The following STKLD1 variants were observed in gnomAD, a reference collection of about 807,000 sequenced individuals.
STKLD1 encodes serine/threonine kinase-like domain-containing protein STKLD1.
Under a neutral mutation model 80.4 loss-of-function variants are expected in STKLD1, and 79 were observed. That is an observed-to-expected ratio of 0.98 (90% CI 0.82 to 1.19). The LOEUF (loss-of-function observed/expected upper bound fraction) is 1.19. STKLD1 is among the 50% of genes most tolerant of loss of function. The pLI, the probability that STKLD1 is intolerant of heterozygous loss-of-function variation, is 0.00. For missense variants in STKLD1, 841 were observed against 856.0 expected (o/e 0.98, Z 0.22); for synonymous variants, 393 against 357.6 (o/e 1.10, Z -1.12).
chr9:133,399,917 C>T (rs2130683616), intron 11 of STKLD1, among the ~76,000 whole-genome samples: 1 of 151,794 alleles, frequency 6.6e-6, no homozygotes, highest in Non-Finnish European at 1.5e-5. Context: ...TTGCTTCGCT[C>T]CACACTCCAG....
At position 133,394,465 on chromosome 9, in the gene STKLD1, T is replaced by G; in HGVS notation, c.702+56T>G. 7.6e-7 allele frequency: 1 copy of G among 1,308,000 alleles called. No homozygotes were observed. Among genetic ancestry groups the G allele is most frequent in the South Asian group, 1.2e-5 (1 of 84,888 alleles). 81.0% of individuals were successfully genotyped at this position (1,308,000 alleles called of 1,614,324 possible). ...ATGCTGTTCCCCACGCGCCCAGGCC[T>G]GGGGAAAAGGCTTGGCCTCACCCTG... On this transcript the variant is annotated intron_variant, in intron 8 of 17. Coordinates refer to ENST00000371957, the MANE Select transcript of STKLD1 (RefSeq NM_153710.5). The surrounding 1 kb of genome is among the most constrained non-coding windows in gnomAD (Gnocchi z 4.9).
At chr9:133,378,826 C>T (rs2130258640) in intron 1 of STKLD1, among the ~76,000 whole-genome samples, 7 of 152,204 alleles carry the variant, frequency 4.6e-5, no homozygotes, top group Non-Finnish European at 1.0e-4. Flanking sequence ...GCTCCAGAAT[C>T]GGCCCCAAAT....
At position 133,400,517 on chromosome 9, in the gene STKLD1, C is replaced by T. The variant is rs1554777447; in HGVS notation, c.1186C>T (p.Leu396Phe). The change falls in exon 12 of 18, where the codon CTC becomes TTC. Residue 396 changes from leucine (L) to phenylalanine (F), a missense_variant. Transcript: ENST00000371957. ...QLCACSLLLH[L>F]LGQALVHHPE... ...GTGTGCCTGCTCCCTGCTGCTGCAC[C>T]TCCTGGGCCAAGGTGGGTGCCAAAC... The T allele has an allele frequency of 1.2e-6, 2 of 1,612,654 alleles. No homozygotes were observed. Among genetic ancestry groups the T allele is most frequent in the Non-Finnish European group, 1.7e-6 (2 of 1,179,756 alleles).
At chr9:133,387,697 T>G (rs2130280424) in intron 5 of STKLD1, 149 bp downstream of exon 5, 2 of 713,318 alleles carry the variant, frequency 2.8e-6, no homozygotes, top group Non-Finnish European at 5.2e-6. Context: ...CATTGCACTC[T>G]AGGTAATGTG....
intron 2 of STKLD1, among the ~76,000 whole-genome samples, chr9:133,383,262 A>ATG (rs1838184560): frequency 2.1e-5 from 1 of 47,530 alleles, no homozygotes; most frequent in Non-Finnish European, 4.5e-5. Flanking sequence ...GTGGTGTTGG[A>ATG]GTGATGGTGG....
At chr9:133,404,642 G>A (rs750631130) in intron 16 of STKLD1, 147 bp from the exon 17 acceptor site, 90 of 1,127,080 alleles carry the variant, frequency 8.0e-5, no homozygotes, top group Non-Finnish European at 1.0e-4. Flanking sequence ...CTACTGGTCC[G>A]CCCAAGCTGA....
rs3124747 is a variant in STKLD1 at position 133,402,955 on chromosome 9, G to A, written c.1417G>A (p.Glu473Lys). 0.37 allele frequency: 578,073 copies of A among 1,580,070 alleles called. 113,306 individuals are homozygous for A. Among genetic ancestry groups the A allele is most frequent in the East Asian group, 0.67 (28,746 of 43,022 alleles). ...HILEHLNSSL[E>K]SRDVCASGLG... ...CCTGGAGCACCTCAACAGCTCCCTC[G>A]AAAGCAGGGACGTCTGCGCCAGCGG... The change falls in exon 14 of 18, where the codon GAA becomes AAA. Residue 473 changes from glutamate (E) to lysine (K), a missense_variant. Transcript: ENST00000371957.
rs202027138 is a variant in STKLD1, at chr9:133,395,692, G to C, written c.795G>C (p.Pro265=). ...AGACAATGGAGGAGAAGCAGATCCC[G>C]GATGTGGAAACCTTCAGGAATCTTC... is the stretch of plus-strand genomic sequence containing the variant. ...VLKTMEEKQI[P]DVETFRNLLP... Residue 265 remains proline, a synonymous_variant, in exon 9 of 18, where the codon CCG becomes CCC. Transcript: ENST00000371957. 6.2e-7 allele frequency: 1 copy of C among 1,613,502 alleles called. No homozygotes were observed. Among genetic ancestry groups the C allele is most frequent in the East Asian group, 2.2e-5 (1 of 44,890 alleles).
rs1199670972 is a variant in STKLD1, at chr9:133,385,231, G to A, written c.220-386G>A. Among the ~76,000 whole-genome samples the A allele has an allele frequency of 6.6e-6, 1 of 152,138 alleles. No homozygotes were observed. Among genetic ancestry groups the A allele is most frequent in the Admixed American group, 6.5e-5 (1 of 15,272 alleles). ...CACTTTCCGCCAGGGCAGGGGCACC[G>A]GGACCTCTCCGTGTGCCCACCTCCC... On this transcript the variant is annotated intron_variant, in intron 3 of 17. Coordinates refer to ENST00000371957, the MANE Select transcript of STKLD1 (RefSeq NM_153710.5). The surrounding 1 kb of genome is among the most constrained non-coding windows in gnomAD (Gnocchi z 4.9).
In STKLD1 at chr9:133,405,717, A is replaced by C. The variant is rs6597629; in HGVS notation, c.*296A>C. ...TGGAGGCAGCCACCTCTCCCAGCCC[A>C]CTGGGTGGGGAAGCAGCTCAGCCCT... On this transcript the variant is annotated 3_prime_UTR_variant, in exon 18 of 18. Coordinates refer to ENST00000371957, the MANE Select transcript of STKLD1 (RefSeq NM_153710.5). 24,312 of 268,134 alleles carry C rather than the reference A, an allele frequency of 0.091. 1,427 individuals carry two copies. The highest frequency in any genetic ancestry group is 0.18 in the African/African-American group (8,047 of 44,630). The allele number at this position is 268,134 out of a possible 1,614,324, so 16.6% of individuals were successfully genotyped here.
chr9:133,398,130 G>A (rs924325970), intron 11 of STKLD1, 75 bp downstream of exon 11: 16 of 1,444,274 alleles, frequency 1.1e-5, no homozygotes, highest in Non-Finnish European at 1.5e-5. Flanking sequence ...GTGGGGAGCT[G>A]AGGCTGGCCC....
At chr9:133,382,200 A>G (rs1345010118) in intron 2 of STKLD1, among the ~76,000 whole-genome samples, 1 of 152,184 alleles carries the variant, frequency 6.6e-6, no homozygotes, top group African/African-American at 2.4e-5. Flanking sequence ...TGGGTAAGGA[A>G]TGAAGTGGTG....
rs1838515141 is a variant in STKLD1 at position 133,394,786 on chromosome 9, C to G, written c.702+377C>G. The G allele has an allele frequency of 9.0e-6, 2 of 221,746 alleles. No homozygotes were observed. The highest frequency in any genetic ancestry group is 1.0e-4 in the Admixed American group (2 of 19,494). The allele number at this position is 221,746 out of a possible 1,614,324, so 13.7% of individuals were successfully genotyped here. A position where few individuals can be genotyped will look rare whatever the true frequency, so the allele number is the denominator to read the frequency against. The stretch of plus-strand genomic sequence containing the variant: ...CCAGTGTGGGCCTGAACACACCTGG[C>G]TGTCTCATGCACAAGCCCCAGGCTG... On this transcript the variant is annotated intron_variant, in intron 8 of 17. Transcript: ENST00000371957. The surrounding 1 kb of genome is among the most constrained non-coding windows in gnomAD (Gnocchi z 4.9).
rs1554777719 is a variant in STKLD1 at position 133,401,803 on chromosome 9, GCTC to G, written c.1265_1267del (p.Ala422_Leu423delinsVal). 6.2e-7 allele frequency: 1 copy of G among 1,613,604 alleles called. No homozygotes were observed. The highest frequency in any genetic ancestry group is 1.3e-5 in the African/African-American group (1 of 75,026). ...AGCCATCACCTCCACCCTGCTGAGTGCTCTTCAGAGCCACCCCGAGGAGGAGCC... is the reference window on the plus strand; with the variant it reads ...AGCCATCACCTCCACCCTGCTGAGTGTTCAGAGCCACCCCGAGGAGGAGCC... On this transcript the variant is annotated inframe_deletion, in exon 13 of 18. Transcript: ENST00000371957.
chr9:133,404,887 G>A lies in STKLD1; in HGVS notation c.1831G>A (p.Val611Met). 6.2e-7 allele frequency: 1 copy of A among 1,613,428 alleles called. No homozygotes were observed. The change falls in exon 17 of 18, where the codon GTG becomes ATG. Residue 611 changes from valine to methionine, a missense_variant. By Grantham distance (21) the Val-to-Met change is conservative. Coordinates refer to ENST00000371957, the MANE Select transcript of STKLD1 (RefSeq NM_153710.5). The part of the protein sequence containing the change: ...YQLHRDDPEV[V>M]ENVGMLLVHL... ...GCTCCACAGGGACGACCCGGAGGTG[G>A]TGGAGAACGTGGGCATGCTGCTGGT...
At chr9:133,386,817 G>A (rs1014930976) in intron 4 of STKLD1, among the ~76,000 whole-genome samples, 5 of 152,238 alleles carry the variant, frequency 3.3e-5, no homozygotes, top group East Asian at 1.9e-4. Context: ...TCTGCCAGGC[G>A]CCAGCCTGCA....
intron 7 of STKLD1, among the ~76,000 whole-genome samples, chr9:133,393,274 G>A (rs903665827): frequency 2.0e-4 from 28 of 141,480 alleles, no homozygotes; most frequent in Middle Eastern, 3.8e-3. Context: ...ATGGGTGGGC[G>A]GGTGGATGGA....
Position 133,405,589 on chromosome 9 carries a change from A to G in STKLD1, c.*168A>G, listed in dbSNP as rs185130596. 2.2e-4 allele frequency: 129 copies of G among 582,302 alleles called. No homozygotes were observed. The East Asian group carries it at 4.3e-3, about 20-fold the overall frequency. 36.1% of individuals were successfully genotyped at this position (582,302 alleles called of 1,614,324 possible). On this transcript the variant is annotated 3_prime_UTR_variant, in exon 18 of 18. Coordinates refer to ENST00000371957, the MANE Select transcript of STKLD1 (RefSeq NM_153710.5). ...GTCCATGACTGCTGGATTGAGTCAC[A>G]TGAGTAACTGCTCCTGGACCCGGGG... is the stretch of plus-strand genomic sequence containing the variant.
intron 7 of STKLD1, among the ~76,000 whole-genome samples, chr9:133,393,052 T>C (rs1838447575): frequency 9.8e-6 from 1 of 102,184 alleles, no homozygotes; most frequent in African/African-American, 4.3e-5. Flanking sequence ...GCATGGGTTG[T>C]AGATGGATGG....
Sources: gnomAD v4.1 joint callset for allele counts (sites outside exome capture counted in the v4.1 genomes callset) on GRCh38, gnomAD v4.1.1 for gene constraint, Gnocchi (gnomAD v3.1) non-coding constraint, MANE v1.5 for transcripts, NCBI Gene and HGNC (gene_info 2026-07-23, HGNC 2026-07-21) for gene names.